BTBD16: variants seen among roughly 807,000 people sequenced by gnomAD.
The protein encoded by BTBD16 is BTB domain containing 16.
Under a neutral mutation model 67.4 loss-of-function variants are expected in BTBD16, and 66 were observed. The observed-to-expected ratio is 0.98, with a 90% CI of 0.80 to 1.20. The LOEUF is 1.20. BTBD16 is among the 50% of genes most tolerant of loss of function. BTBD16 has a pLI of 0.00. For synonymous variants in BTBD16, 242 were observed against 236.4 expected, an observed-to-expected ratio of 1.02 and a Z score of -0.22; for missense variants, 634 against 616.0, an observed-to-expected ratio of 1.03 and a Z score of -0.31.
At chr10:122,320,322 A>G (rs879833280) in intron 10 of BTBD16, among the ~76,000 whole-genome samples, 1 of 152,052 alleles carries the variant, frequency 6.6e-6, no homozygotes, top group Non-Finnish European at 1.5e-5. Context: ...ATAAAATTTT[A>G]ACTATAGGTT....
intron 8 of BTBD16, 75 bp downstream of exon 8, chr10:122,297,912 C>A: frequency 7.5e-7 from 1 of 1,334,396 alleles, no homozygotes; most frequent in Non-Finnish European, 1.1e-6. Flanking sequence ...GGGATTTTAC[C>A]CACCAGGCCT....
At chr10:122,319,314 A>T (rs1300806685) in intron 10 of BTBD16, among the ~76,000 whole-genome samples, 1 of 152,122 alleles carries the variant, frequency 6.6e-6, no homozygotes, top group Non-Finnish European at 1.5e-5. Flanking sequence ...CAAGATGACT[A>T]TGATTTTTCC....
intron 10 of BTBD16, among the ~76,000 whole-genome samples, chr10:122,322,673 G>A (rs1274434542): frequency 6.6e-6 from 1 of 152,188 alleles, no homozygotes; most frequent in Non-Finnish European, 1.5e-5. Context: ...TGTGGAAGAT[G>A]ATCTTATTTT....
At chr10:122,337,362 T>C (rs1413667656) in intron 15 of BTBD16, among the ~76,000 whole-genome samples, 1 of 152,180 alleles carries the variant, frequency 6.6e-6, no homozygotes, top group African/African-American at 2.4e-5. Flanking sequence ...ACAGTAACAA[T>C]TTCCTTTGTG....
chr10:122,302,914 C>T lies in BTBD16; in HGVS notation c.791+3780C>T, dbSNP rs146645592. ...ACATGAGAGTTGGGATTTGAACCCA[C>T]GTCTGAGTGGCCTAAAGCCTGTGGT... is the stretch of plus-strand genomic sequence containing the variant. On this transcript the variant is annotated intron_variant, in intron 9 of 15. Coordinates refer to ENST00000260723, the MANE Select transcript of BTBD16 (RefSeq NM_144587.5). 7.8e-4 allele frequency among the ~76,000 whole-genome samples: 118 copies of T among 152,250 alleles called. 1 individual carries two copies. In the East Asian group the frequency reaches 0.01, roughly 13 times the overall value.
intron 10 of BTBD16, among the ~76,000 whole-genome samples, chr10:122,324,506 A>T (rs942324528): frequency 6.6e-6 from 1 of 152,180 alleles, no homozygotes; most frequent in East Asian, 1.9e-4. Flanking sequence ...AAACTGGGCA[A>T]CCCTGGTGTG....
intron 6 of BTBD16, 53 bp downstream of exon 6, chr10:122,290,051 C>A: frequency 8.0e-7 from 1 of 1,257,682 alleles, no homozygotes; most frequent in East Asian, 2.4e-5. Flanking sequence ...AATGGTCCTC[C>A]CAGATTTAAA....
At chr10:122,302,474 C>T (rs559568269) in intron 9 of BTBD16, among the ~76,000 whole-genome samples, 326 of 152,200 alleles carry the variant, frequency 2.1e-3, no homozygotes, top group African/African-American at 7.2e-3. Context: ...GACTACCTTG[C>T]GACCAGGGGC....
At chr10:122,323,454 G>A (rs2096438969) in intron 10 of BTBD16, among the ~76,000 whole-genome samples, 1 of 152,176 alleles carries the variant, frequency 6.6e-6, no homozygotes, top group Non-Finnish European at 1.5e-5. Flanking sequence ...CTTCTTATGT[G>A]TCCTTTTATG....
At chr10:122,297,672 G>A in intron 7 of BTBD16, 96 bp from the exon 8 acceptor site, 1 of 1,363,500 alleles carries the variant, frequency 7.3e-7, no homozygotes, top group Non-Finnish European at 1.0e-6. Context: ...TCAAAAGTCT[G>A]CTGCTGTCCT....
At chr10:122,291,266 T>A in intron 7 of BTBD16, 72 bp downstream of exon 7, 2 of 1,536,338 alleles carry the variant, frequency 1.3e-6, no homozygotes, top group African/African-American at 2.7e-5. Flanking sequence ...CTGGCCCATT[T>A]GCTGGAACAT....
At chr10:122,297,265 A>G (rs2096385092) in intron 7 of BTBD16, among the ~76,000 whole-genome samples, 1 of 152,176 alleles carries the variant, frequency 6.6e-6, no homozygotes, top group Admixed American at 6.5e-5. Context: ...TTCAATGAAT[A>G]GATCCTTCAT....
chr10:122,306,080 T>A (rs2096403208), intron 9 of BTBD16, among the ~76,000 whole-genome samples: 2 of 152,144 alleles, frequency 1.3e-5, no homozygotes, highest in South Asian at 4.1e-4. Context: ...ATGACCTGGG[T>A]GGGCCCATGG....
intron 9 of BTBD16, among the ~76,000 whole-genome samples, chr10:122,303,914 G>A (rs555880616): frequency 1.3e-5 from 2 of 152,318 alleles, no homozygotes; most frequent in African/African-American, 4.8e-5. Flanking sequence ...CCTAAAGACA[G>A]AGGAATTTAC....
intron 14 of BTBD16, 66 bp from the exon 15 acceptor site, chr10:122,336,428 C>A: frequency 7.1e-7 from 1 of 1,415,192 alleles, no homozygotes. Context: ...TGCCAGGCTC[C>A]AGCTTTCCCT....
chr10:122,286,783 T>A (rs1202528046), intron 5 of BTBD16, among the ~76,000 whole-genome samples: 1 of 152,150 alleles, frequency 6.6e-6, no homozygotes, highest in African/African-American at 2.4e-5. Flanking sequence ...CCAGAAAGAA[T>A]GTAGGCCACT....
Position 122,299,076 on chromosome 10 carries a change from C to T in BTBD16, c.733C>T (p.Gln245Ter), listed in dbSNP as rs1309422852. ...GAACTTGGTTCCTCTAGGGGGGACG[C>T]AGATCCACCTCCACAAAATCCCACA... Reference protein sequence around the residue: ...EMNLVPLGGTQIHLHKIPQDL... With the variant: ...EMNLVPLGGT Residue 245 changes from glutamine (Q) to a stop codon, truncating the protein, a stop_gained, in exon 9 of 16, where the codon CAG becomes TAG. Coordinates refer to ENST00000260723, the MANE Select transcript of BTBD16 (RefSeq NM_144587.5). LOFTEE classifies it high-confidence loss of function. The T allele has an allele frequency of 3.1e-6, 5 of 1,613,946 alleles. No individual in the cohort carries two copies. The highest frequency in any genetic ancestry group is 3.3e-5 in the Admixed American group (2 of 59,984).
chr10:122,312,309 C>CTTTTTTTTTT (rs58045019), intron 10 of BTBD16, among the ~76,000 whole-genome samples: 5 of 105,620 alleles, frequency 4.7e-5, no homozygotes, highest in Non-Finnish European at 7.4e-5. Flanking sequence ...TTTTCTTTTT[C>CTTTTTTTTTT]TTTTTTTTTT....
chr10:122,328,457 TG>T (rs1330917900), intron 10 of BTBD16, among the ~76,000 whole-genome samples: 3 of 152,204 alleles, frequency 2.0e-5, no homozygotes, highest in Non-Finnish European at 4.4e-5. Context: ...CTGGGATCAC[TG>T]GCGTGGAGCA....
Sources: allele counts gnomAD v4.1 joint callset (sites outside exome capture counted in the v4.1 genomes callset), GRCh38; gene constraint gnomAD v4.1.1; transcripts MANE v1.5; gene names NCBI Gene and HGNC (gene_info 2026-07-23, HGNC 2026-07-21).